Variants in DPYD observed in about 807,000 individuals in gnomAD.
The protein encoded by DPYD is dihydropyrimidine dehydrogenase, also known as dihydropyrimidine dehydrogenase [NADP(+)].
Under a neutral mutation model 116.2 loss-of-function variants are expected in DPYD, and 109 were observed. The ratio of observed to expected loss-of-function variants is 0.94; its 90% CI spans 0.80 to 1.10. The LOEUF (loss-of-function observed/expected upper bound fraction) is 1.10. Among genes scored for constraint, DPYD ranks in the 50% least tolerant of loss-of-function variants. The pLI, the probability that DPYD is intolerant of heterozygous loss-of-function variation, is 0.00. For synonymous variants in DPYD, 440 were observed against 432.0 expected (o/e 1.02, Z -0.23); for missense variants, 1,302 against 1,254.5 (o/e 1.04, Z -0.57).
intron 13 of DPYD, among the ~76,000 whole-genome samples, chr1:97,494,649 G>A (rs754345838): frequency 7.2e-5 from 11 of 151,906 alleles, no homozygotes; most frequent in Non-Finnish European, 1.6e-4. Context: ...AGGCTGAGGC[G>A]GGTGGATCTC....
chr1:97,644,493 A>G (rs1006242607), intron 8 of DPYD, among the ~76,000 whole-genome samples: 3 of 152,080 alleles, frequency 2.0e-5, no homozygotes, highest in East Asian at 3.9e-4. Context: ...CAGTGTCACA[A>G]TCTTGGCTCA....
At position 97,171,067 on chromosome 1, in the gene DPYD, A is replaced by G. The variant is rs1379093434; in HGVS notation, c.2622+22002T>C. Among the ~76,000 whole-genome samples, 3 of 152,206 alleles carry G rather than the reference A, an allele frequency of 2.0e-5. No individual in the cohort carries two copies. The East Asian group carries it at 5.8e-4, about 29-fold the overall frequency. ...AAAATATATGCATGTAAATAAATAC[A>G]TGGAGTCATAACCCAAGTTGGATTT... On this transcript the variant is annotated intron_variant, in intron 20 of 22. Transcript: ENST00000370192.
rs527907224 is a variant in DPYD at position 97,345,049 on chromosome 1, C to T, written c.2058+28512G>A. ...ATATAATATCTGTGTTGGTTTAATT[C>T]GTATTTCCATTCTGACCAGCTGGGT... On this transcript the variant is annotated intron_variant, in intron 16 of 22. Coordinates refer to ENST00000370192, the MANE Select transcript of DPYD (RefSeq NM_000110.4). Among the ~76,000 whole-genome samples, 159 of 151,932 alleles carry T rather than the reference C, an allele frequency of 1.0e-3. 1 individual carries two copies. The highest frequency in any genetic ancestry group is 3.7e-3 in the African/African-American group (155 of 41,522).
rs1329048191 is a variant in DPYD at position 97,078,008 on chromosome 1, CA to C, written c.*967del. Reference sequence around the variant, plus strand: ...ATACAAAAATATTATCTAATAATAACAAAAAATATATTTCTTTTAAACATAA... The same window carrying C: ...ATACAAAAATATTATCTAATAATAACAAAAATATATTTCTTTTAAACATAA... On this transcript the variant is annotated 3_prime_UTR_variant, in exon 23 of 23. Coordinates refer to ENST00000370192, the MANE Select transcript of DPYD (RefSeq NM_000110.4). 6.6e-6 allele frequency: 1 copy of C among 151,890 alleles called. No homozygotes were observed. Among genetic ancestry groups the C allele is most frequent in the Non-Finnish European group, 1.5e-5 (1 of 67,930 alleles). 9.4% of individuals were successfully genotyped at this position (151,890 alleles called of 1,614,324 possible). A position where few individuals can be genotyped will look rare whatever the true frequency, so the allele number is the denominator to read the frequency against.
At chr1:97,571,959 A>G (rs544663907) in intron 11 of DPYD, among the ~76,000 whole-genome samples, 27 of 152,048 alleles carry the variant, frequency 1.8e-4, no homozygotes, top group Middle Eastern at 6.8e-3. Context: ...CTCACACTGC[A>G]GCTCTGCCAG....
At chr1:97,231,236 C>T (rs1020235817) in intron 19 of DPYD, among the ~76,000 whole-genome samples, 6 of 152,112 alleles carry the variant, frequency 3.9e-5, no homozygotes, top group African/African-American at 1.2e-4. Flanking sequence ...CTAATATTCC[C>T]GTCTTACAGG....
chr1:97,890,832 C>T (rs1010406829), intron 1 of DPYD, among the ~76,000 whole-genome samples: 3 of 151,848 alleles, frequency 2.0e-5, no homozygotes, highest in African/African-American at 4.8e-5. Context: ...TTATCTATGT[C>T]AGCATAGCAA....
chr1:97,243,541 A>C (rs1269020302), intron 18 of DPYD, among the ~76,000 whole-genome samples: 1 of 151,870 alleles, frequency 6.6e-6, no homozygotes, highest in African/African-American at 2.4e-5. Flanking sequence ...CCATGCTCTT[A>C]ACCACAATGC....
At chr1:97,879,191 A>C (rs1672058653) in intron 2 of DPYD, among the ~76,000 whole-genome samples, 1 of 151,968 alleles carries the variant, frequency 6.6e-6, no homozygotes, top group African/African-American at 2.4e-5. Context: ...TATACCTGAC[A>C]GGGTGCTTCT....
At chr1:97,775,529 C>CA (rs1666349388) in intron 3 of DPYD, among the ~76,000 whole-genome samples, 1 of 152,082 alleles carries the variant, frequency 6.6e-6, no homozygotes. Context: ...AGAAAAAACT[C>CA]TTCTATGACA....
chr1:97,469,396 G>GAAAAAAAAAAAAAAAAAAAA (rs1557733908), intron 13 of DPYD, among the ~76,000 whole-genome samples: 2 of 8,520 alleles, frequency 2.3e-4, no homozygotes, highest in African/African-American at 1.2e-3. Flanking sequence ...AGCTAAAATT[G>GAAAAAAAAAAAAAAAAAAAA]CAAAAAAAAA....
intron 13 of DPYD, among the ~76,000 whole-genome samples, chr1:97,503,237 T>C (rs1008441201): frequency 1.3e-5 from 2 of 152,172 alleles, no homozygotes; most frequent in African/African-American, 4.8e-5. Flanking sequence ...CAACAGGAGA[T>C]GTCCAAAAAT....
At chr1:97,380,060 A>G (rs565641136) in intron 15 of DPYD, among the ~76,000 whole-genome samples, 2 of 152,260 alleles carry the variant, frequency 1.3e-5, no homozygotes, top group East Asian at 1.9e-4. Flanking sequence ...GCTTTTTCAC[A>G]TTAACTTTTA....
At chr1:97,828,080 ATC>A in intron 3 of DPYD, 32 bp downstream of exon 3, 1 of 1,593,400 alleles carries the variant, frequency 6.3e-7, no homozygotes. Context: ...TCTTTACCAC[ATC>A]TGTGACTGTT....
intron 8 of DPYD, among the ~76,000 whole-genome samples, chr1:97,665,584 T>C (rs1336217307): frequency 6.6e-6 from 1 of 152,192 alleles, no homozygotes; most frequent in Non-Finnish European, 1.5e-5. Context: ...CACAAAAGAA[T>C]GCATTTCTAC....
chr1:97,449,569 GA>G (rs997434249), intron 14 of DPYD, among the ~76,000 whole-genome samples: 12 of 151,408 alleles, frequency 7.9e-5, no homozygotes, highest in African/African-American at 1.7e-4. Flanking sequence ...TTCTTTAAGA[GA>G]AAAAAAAGAT....
At chr1:97,546,583 A>ACACATC (rs1414139025) in intron 12 of DPYD, 141 of 1,608,212 alleles carry the variant, frequency 8.8e-5, no homozygotes, top group Non-Finnish European at 1.2e-4. Flanking sequence ...ATCAAAAATA[A>ACACATC]CACATCCTGT....
intron 8 of DPYD, among the ~76,000 whole-genome samples, chr1:97,613,003 A>G (rs1656046158): frequency 6.6e-6 from 1 of 152,056 alleles, no homozygotes; most frequent in African/African-American, 2.4e-5. Flanking sequence ...TATCCATCAC[A>G]TTTTTATTAC....
At chr1:97,798,817 G>A (rs1463911683) in intron 3 of DPYD, among the ~76,000 whole-genome samples, 1 of 151,846 alleles carries the variant, frequency 6.6e-6, no homozygotes, top group Admixed American at 6.6e-5. Context: ...TTCATCTGCT[G>A]TATCACAGAG....
Sources: gnomAD v4.1 joint callset for allele counts (sites outside exome capture counted in the v4.1 genomes callset) on GRCh38, gnomAD v4.1.1 for gene constraint, MANE v1.5 for transcripts, NCBI Gene and HGNC (gene_info 2026-07-23, HGNC 2026-07-21) for gene names.